Variants in TRABD2B observed in about 807,000 individuals in gnomAD.
The protein encoded by TRABD2B is metalloprotease TIKI2.
A neutral mutation model predicts 40.1 loss-of-function variants in TRABD2B; 14 were observed. The observed-to-expected ratio is 0.35, with a 90% confidence interval of 0.23 to 0.55. The LOEUF (loss-of-function observed/expected upper bound fraction) is 0.55. Ranked by LOEUF, TRABD2B falls within the 20% of genes least tolerant of loss-of-function variation. The pLI is 0.90. For missense variants in TRABD2B, 541 were observed against 648.6 expected, an observed-to-expected ratio of 0.83 and a Z score of 1.80; for synonymous variants, 263 against 277.0, an observed-to-expected ratio of 0.95 and a Z score of 0.50.
chr1:47,974,736 A>G lies in TRABD2B; in HGVS notation c.666+19298T>C, dbSNP rs1038715453. Among the ~76,000 whole-genome samples, 42 of 152,228 alleles carry G rather than the reference A, an allele frequency of 2.8e-4. 1 individual carries two copies. Among genetic ancestry groups the G allele is most frequent in the African/African-American group, 9.9e-4 (41 of 41,446 alleles). On this transcript the variant is annotated intron_variant, in intron 2 of 6. Transcript: ENST00000606738. ...GGGTTGTTCACAGCAACTCCTTTCC[A>G]ATGTGTGCAGTATGAAAAGATGGAG...
chr1:47,823,996 C>T (rs897294895), intron 2 of TRABD2B, among the ~76,000 whole-genome samples: 9 of 152,136 alleles, frequency 5.9e-5, no homozygotes, highest in African/African-American at 2.2e-4. Flanking sequence ...TCTTGGGTCC[C>T]CTGCTTGGGG....
At chr1:47,844,167 T>C (rs145700884) in intron 2 of TRABD2B, among the ~76,000 whole-genome samples, 1 of 152,298 alleles carries the variant, frequency 6.6e-6, no homozygotes, top group East Asian at 1.9e-4. Flanking sequence ...CCCAGTGCAA[T>C]AACACCGTGC....
chr1:47,962,121 C>G (rs574229363), intron 2 of TRABD2B, among the ~76,000 whole-genome samples: 1 of 151,752 alleles, frequency 6.6e-6, no homozygotes, highest in Non-Finnish European at 1.5e-5. Flanking sequence ...CGACAGAAAG[C>G]CAAACACCAC....
At chr1:47,812,185 GA>G (rs1168855992) in intron 2 of TRABD2B, among the ~76,000 whole-genome samples, 1 of 152,136 alleles carries the variant, frequency 6.6e-6, no homozygotes, top group Admixed American at 6.6e-5. Flanking sequence ...GTCCATTGAG[GA>G]AAATAATAAA....
chr1:47,800,818 G>C (rs933384861), intron 3 of TRABD2B, among the ~76,000 whole-genome samples: 9 of 152,202 alleles, frequency 5.9e-5, no homozygotes, highest in African/African-American at 2.2e-4. Context: ...AGGCCCAGAA[G>C]CTTGAAAAGA....
intron 2 of TRABD2B, among the ~76,000 whole-genome samples, chr1:47,826,372 A>G (rs1300681578): frequency 6.6e-6 from 1 of 152,200 alleles, no homozygotes; most frequent in Non-Finnish European, 1.5e-5. Flanking sequence ...TCACAACATC[A>G]TTATATCATA....
chr1:47,940,055 C>T (rs1645165256), intron 2 of TRABD2B, among the ~76,000 whole-genome samples: 1 of 152,228 alleles, frequency 6.6e-6, no homozygotes, highest in Admixed American at 6.5e-5. Context: ...CCCACCATCC[C>T]TGATGCACCC....
rs567574878 is a variant in TRABD2B, at chr1:47,801,506, G to C, written c.780C>G (p.Leu260=). Residue 260 remains leucine (L), a synonymous_variant, in exon 3 of 7, where the codon CTC becomes CTG. Transcript: ENST00000606738. ...TGTCGTGGTTGAAGATGACTGCGCT[G>C]AGGTCTCCGCAGTTGTAGTGCTTGA... The part of the protein sequence containing the change: ...DLIKHYNCGD[L]SAVIFNHDTS... 840 of 1,536,006 alleles carry C rather than the reference G, an allele frequency of 5.5e-4. No homozygotes were observed. Among genetic ancestry groups the C allele is most frequent in the Non-Finnish European group, 7.0e-4 (806 of 1,146,900 alleles).
At chr1:47,973,141 C>T (rs1645705034) in intron 2 of TRABD2B, among the ~76,000 whole-genome samples, 1 of 152,158 alleles carries the variant, frequency 6.6e-6, no homozygotes, top group African/African-American at 2.4e-5. Context: ...GATTTAGTGG[C>T]AGCTGGGATA....
chr1:47,988,647 C>A (rs956562265), intron 2 of TRABD2B, among the ~76,000 whole-genome samples: 1 of 152,152 alleles, frequency 6.6e-6, no homozygotes, highest in Admixed American at 6.5e-5. Context: ...GCCTGCCAGC[C>A]CCTCCCAACT....
chr1:47,908,335 C>T (rs752681754), intron 2 of TRABD2B, among the ~76,000 whole-genome samples: 78 of 152,000 alleles, frequency 5.1e-4, no homozygotes, highest in Non-Finnish European at 9.9e-4. Context: ...GTGCCTTTTA[C>T]GATGATTACA....
rs574517481 is a variant in TRABD2B, at chr1:47,997,059, G to C, written c.-270C>G. Reference sequence around the variant, plus strand: ...CTGGCCGAGCCCCCGGGTGCTGAGGGCGTGTTGGGGTCCGGGGGCGCGCGG... The same window carrying C: ...CTGGCCGAGCCCCCGGGTGCTGAGGCCGTGTTGGGGTCCGGGGGCGCGCGG... On this transcript the variant is annotated 5_prime_UTR_variant, in exon 1 of 7. Coordinates refer to ENST00000606738, the MANE Select transcript of TRABD2B (RefSeq NM_001194986.2). 56 of 984,202 alleles carry C rather than the reference G, an allele frequency of 5.7e-5. No homozygotes were observed. The African/African-American group carries it at 9.3e-4, about 16-fold the overall frequency. 61.0% of individuals were successfully genotyped at this position (984,202 alleles called of 1,614,324 possible).
intron 6 of TRABD2B, among the ~76,000 whole-genome samples, chr1:47,772,619 G>A (rs1158117953): frequency 1.3e-5 from 2 of 152,134 alleles, no homozygotes; most frequent in African/African-American, 2.4e-5. Flanking sequence ...AGAAAAATGA[G>A]AAATGGGAGT....
chr1:47,785,868 C>T (rs143599748), intron 4 of TRABD2B, among the ~76,000 whole-genome samples: 2 of 152,198 alleles, frequency 1.3e-5, no homozygotes, highest in Non-Finnish European at 2.9e-5. Context: ...CAGGGCCCCA[C>T]GCCTCCTGAG....
chr1:47,930,481 G>C (rs2148339698), intron 2 of TRABD2B, among the ~76,000 whole-genome samples: 1 of 152,184 alleles, frequency 6.6e-6, no homozygotes, highest in East Asian at 1.9e-4. Flanking sequence ...GGAGAGAGGA[G>C]CTACGAGTCC....
intron 2 of TRABD2B, among the ~76,000 whole-genome samples, chr1:47,984,490 T>G (rs1033832275): frequency 1.3e-5 from 2 of 152,182 alleles, no homozygotes; most frequent in Admixed American, 1.3e-4. Flanking sequence ...GGCACAGTCA[T>G]GCAAGCCTCC....
chr1:47,840,197 C>T (rs1645377708), intron 2 of TRABD2B, among the ~76,000 whole-genome samples: 1 of 152,144 alleles, frequency 6.6e-6, no homozygotes, highest in South Asian at 2.1e-4. Context: ...GGAAGTTAAG[C>T]ACGCTCACTC....
At chr1:47,843,158 C>T (rs1266190966) in intron 2 of TRABD2B, among the ~76,000 whole-genome samples, 3 of 152,242 alleles carry the variant, frequency 2.0e-5, no homozygotes, top group South Asian at 2.1e-4. Context: ...TAAGGCCATC[C>T]TGAAGACCCT....
chr1:47,842,247 AG>A (rs1392398629), intron 2 of TRABD2B, among the ~76,000 whole-genome samples: 1 of 152,144 alleles, frequency 6.6e-6, no homozygotes, highest in African/African-American at 2.4e-5. Flanking sequence ...AGGGTGCACT[AG>A]GGTAAAAGGC....
Sources: allele counts gnomAD v4.1 joint callset (sites outside exome capture counted in the v4.1 genomes callset), GRCh38; gene constraint gnomAD v4.1.1; transcripts MANE v1.5; gene names NCBI Gene and HGNC (gene_info 2026-07-23, HGNC 2026-07-21).